Variants in CSMD2 observed in about 807,000 individuals in gnomAD.
The protein encoded by CSMD2 is CUB and sushi domain-containing protein 2.
CSMD2 carries 130 observed loss-of-function variants against 398.5 expected under a neutral mutation model. The observed-to-expected ratio is 0.33, with a 90% CI of 0.28 to 0.38. The LOEUF (loss-of-function observed/expected upper bound fraction) is 0.38. CSMD2 is among the 10% of genes least tolerant of loss of function. The probability of loss-of-function intolerance (pLI) is 1.00; values close to 1 mark genes in which losing one functional copy is unlikely to be tolerated. For missense variants in CSMD2, 3,829 were observed against 4,764.9 expected (o/e 0.80, Z 5.78); for synonymous variants, 1,828 against 1,908.5 (o/e 0.96, Z 1.10).
At chr1:33,627,994 G>A (rs1213292507) in intron 32 of CSMD2, among the ~76,000 whole-genome samples, 3 of 152,182 alleles carry the variant, frequency 2.0e-5, no homozygotes, top group African/African-American at 4.8e-5. Flanking sequence ...AAGTTTTGAG[G>A]AAGGAGATCA....
intron 22 of CSMD2, among the ~76,000 whole-genome samples, chr1:33,706,839 T>G (rs987064275): frequency 6.6e-6 from 1 of 151,702 alleles, no homozygotes. Context: ...TATGTGTGTG[T>G]GCGTGTGTGC....
At chr1:33,734,954 T>G (rs138684316) in intron 15 of CSMD2, among the ~76,000 whole-genome samples, 2 of 152,220 alleles carry the variant, frequency 1.3e-5, no homozygotes, top group African/African-American at 4.8e-5. Context: ...ATGTTTGTCT[T>G]CTGCTGTCAT....
chr1:33,764,467 A>C (rs1172607552), intron 13 of CSMD2, among the ~76,000 whole-genome samples: 1 of 152,142 alleles, frequency 6.6e-6, no homozygotes, highest in Non-Finnish European at 1.5e-5. Flanking sequence ...TCTGCCTGCC[A>C]CTAGCAAAGG....
chr1:34,155,012 C>T (rs925364561), intron 1 of CSMD2, among the ~76,000 whole-genome samples: 2 of 152,190 alleles, frequency 1.3e-5, no homozygotes, highest in Non-Finnish European at 2.9e-5. Context: ...AGGCGTGAGC[C>T]ACCGCGCCCT....
intron 7 of CSMD2, 134 bp downstream of exon 7, chr1:33,825,563 G>A (rs112133543): frequency 1.9e-5 from 15 of 799,508 alleles, no homozygotes; most frequent in African/African-American, 8.6e-5. Flanking sequence ...GTGTCCAAGC[G>A]CAGAGCCCAG....
chr1:33,584,930 T>A (rs1242666689), intron 46 of CSMD2, among the ~76,000 whole-genome samples: 1 of 152,068 alleles, frequency 6.6e-6, no homozygotes, highest in African/African-American at 2.4e-5. Context: ...GTCATCACCA[T>A]GAGTGGGAGG....
Position 33,636,766 on chromosome 1 carries a change from T to C in CSMD2, c.4775-212A>G, listed in dbSNP as rs989348159. Among the ~76,000 whole-genome samples the C allele has an allele frequency of 2.6e-5, 4 of 151,988 alleles. No homozygotes were observed. Among genetic ancestry groups the C allele is most frequent in the Non-Finnish European group, 4.4e-5 (3 of 68,012 alleles). ...TGGAAATCACATTGAAGAGGGCAAT[T>C]TCCCCTCCTCCCCCCATGTTCTTGC... is the stretch of plus-strand genomic sequence containing the variant. On this transcript the variant is annotated intron_variant, in intron 29 of 70. Transcript: ENST00000373381. This position sits in a 1 kb window ranked among gnomAD's most constrained non-coding sequence, Gnocchi z 4.8.
intron 1 of CSMD2, among the ~76,000 whole-genome samples, chr1:34,143,412 C>T (rs562175376): frequency 1.8e-4 from 28 of 152,310 alleles, no homozygotes; most frequent in Admixed American, 1.2e-3. Flanking sequence ...CCCTGATAGG[C>T]GCTGGCTAGA....
chr1:34,114,537 A>C (rs1661422147), intron 1 of CSMD2, among the ~76,000 whole-genome samples: 1 of 151,940 alleles, frequency 6.6e-6, no homozygotes, highest in Admixed American at 6.6e-5. Context: ...CATCTCTAAA[A>C]ACAATTTTTT....
chr1:33,713,177 G>A (rs536090771), intron 21 of CSMD2, among the ~76,000 whole-genome samples: 10 of 152,162 alleles, frequency 6.6e-5, no homozygotes, highest in Non-Finnish European at 1.3e-4. Flanking sequence ...AGATCTAGGC[G>A]TTGGTAAGTG....
chr1:33,919,828 T>TTC (rs1643879590), intron 4 of CSMD2, among the ~76,000 whole-genome samples: 1 of 152,106 alleles, frequency 6.6e-6, no homozygotes, highest in African/African-American at 2.4e-5. Context: ...TTCATTCACT[T>TTC]ATTCATTCAT....
At chr1:33,800,437 C>A (rs1256680277) in intron 10 of CSMD2, among the ~76,000 whole-genome samples, 1 of 152,172 alleles carries the variant, frequency 6.6e-6, no homozygotes, top group Non-Finnish European at 1.5e-5. Context: ...GTTCTGAGAG[C>A]AGTAAGCCCT....
chr1:33,879,110 C>T (rs1641054111), intron 5 of CSMD2, among the ~76,000 whole-genome samples: 1 of 152,184 alleles, frequency 6.6e-6, no homozygotes, highest in Admixed American at 6.5e-5. Context: ...TCTATGGTGC[C>T]AGCTTTTGCT....
chr1:34,123,331 G>A (rs962802106), intron 1 of CSMD2, among the ~76,000 whole-genome samples: 4 of 152,316 alleles, frequency 2.6e-5, no homozygotes, highest in Non-Finnish European at 4.4e-5. Context: ...AGCGGAACAC[G>A]TGGAGATTCC....
chr1:33,697,506 T>A (rs1314175143), intron 24 of CSMD2, among the ~76,000 whole-genome samples: 3 of 152,184 alleles, frequency 2.0e-5, no homozygotes, highest in Non-Finnish European at 4.4e-5. Flanking sequence ...GTGTTAAAGA[T>A]CCTGTGAAAA....
Position 33,533,320 on chromosome 1 carries a change from C to G in CSMD2, c.9992-91G>C. 8.7e-7 allele frequency: 1 copy of G among 1,155,158 alleles called. No individual in the cohort carries two copies. Among genetic ancestry groups the G allele is most frequent in the Non-Finnish European group, 1.2e-6 (1 of 804,924 alleles). 71.6% of individuals were successfully genotyped at this position (1,155,158 alleles called of 1,614,324 possible). Reference sequence around the variant, plus strand: ...TTCCCCTGTTCCTAGATAGAATATCCTCTTCCTTTCCCTTCCAGTCCCTTT... The same window carrying G: ...TTCCCCTGTTCCTAGATAGAATATCGTCTTCCTTTCCCTTCCAGTCCCTTT... On this transcript the variant is annotated intron_variant, in intron 63 of 70. Transcript: ENST00000373381. The surrounding 1 kb of genome is among the most constrained non-coding windows in gnomAD (Gnocchi z 4.2).
intron 5 of CSMD2, among the ~76,000 whole-genome samples, chr1:33,905,743 G>T (rs1384493828): frequency 6.6e-6 from 1 of 152,182 alleles, no homozygotes; most frequent in Non-Finnish European, 1.5e-5. Context: ...ACATATAGTA[G>T]GGAAATTTTG....
At chr1:33,982,546 G>C (rs1646208326) in intron 3 of CSMD2, among the ~76,000 whole-genome samples, 1 of 152,212 alleles carries the variant, frequency 6.6e-6, no homozygotes, top group Admixed American at 6.5e-5. Flanking sequence ...ATCTATCACA[G>C]GCACTGTACG....
intron 12 of CSMD2, among the ~76,000 whole-genome samples, chr1:33,783,473 C>CTCTT (rs1211766124): frequency 1.5e-5 from 2 of 133,032 alleles, no homozygotes; most frequent in African/African-American, 5.4e-5. Flanking sequence ...CTCTCTCTCT[C>CTCTT]TCCTGTGTGT....
Sources: allele counts gnomAD v4.1 joint callset (sites outside exome capture counted in the v4.1 genomes callset), GRCh38; gene constraint gnomAD v4.1.1; non-coding constraint Gnocchi (gnomAD v3.1); transcripts MANE v1.5; gene names NCBI Gene and HGNC (gene_info 2026-07-23, HGNC 2026-07-21).